TTLL2: variants seen among roughly 807,000 people sequenced by gnomAD.
TTLL2 encodes the protein probable tubulin polyglutamylase TTLL2.
Under a neutral mutation model 7.5 loss-of-function variants are expected in TTLL2, and 10 were observed. The ratio of observed to expected loss-of-function variants is 1.33; its 90% confidence interval spans 0.82 to 2.25. TTLL2 has a LOEUF of 2.25. Ranked by LOEUF, TTLL2 falls within the 30% of genes most tolerant of loss-of-function variation. The pLI, the probability that TTLL2 is intolerant of heterozygous loss-of-function variation, is 0.00. For synonymous variants in TTLL2, 284 were observed against 280.3 expected (o/e 1.01, Z -0.13); for missense variants, 733 against 735.7 (o/e 1.00, Z 0.04).
At position 167,340,570 on chromosome 6, in the gene TTLL2, AT is replaced by A. The variant is rs1322648947; in HGVS notation, c.674del (p.Phe225SerfsTer14). 1 of 1,614,020 alleles carries A rather than the reference AT, an allele frequency of 6.2e-7. No homozygotes were observed. Among genetic ancestry groups the A allele is most frequent in the African/African-American group, 1.3e-5 (1 of 74,884 alleles). ...GTTATCTCGTGGGAGGGGGATACTA[AT>A]TTTCAGTGACTTTAAAGACTTCATC... ...AELSRGRGIL[I>X]FSDFKDFIFD... On this transcript the variant is annotated frameshift_variant, in exon 3 of 3. Transcript: ENST00000239587. LOFTEE classifies it low-confidence loss of function (END_TRUNC).
At chr6:167,335,444 C>A (rs1278394443) in intron 1 of TTLL2, among the ~76,000 whole-genome samples, 1 of 147,262 alleles carries the variant, frequency 6.8e-6, no homozygotes, top group Non-Finnish European at 1.5e-5. Flanking sequence ...CTAGAAATAC[C>A]ATTTGACCCA....
chr6:167,326,758 G>C (rs1778852491), intron 1 of TTLL2, among the ~76,000 whole-genome samples: 1 of 152,178 alleles, frequency 6.6e-6, no homozygotes, highest in Non-Finnish European at 1.5e-5. Flanking sequence ...CTCATCAGCT[G>C]TCGTTAGTGT....
chr6:167,325,972 C>T (rs763291847), intron 1 of TTLL2, among the ~76,000 whole-genome samples: 19 of 152,148 alleles, frequency 1.2e-4, no homozygotes, highest in Non-Finnish European at 2.8e-4. Context: ...GGTGCAAGGC[C>T]GTGAGTGCCT....
chr6:167,328,585 C>T (rs546553272), intron 1 of TTLL2, among the ~76,000 whole-genome samples: 77 of 152,240 alleles, frequency 5.1e-4, no homozygotes, highest in African/African-American at 1.9e-3. Context: ...TATGTGTTTC[C>T]TTGTTCTAGG....
At chr6:167,334,442 T>TA (rs1198014924) in intron 1 of TTLL2, among the ~76,000 whole-genome samples, 1 of 151,808 alleles carries the variant, frequency 6.6e-6, no homozygotes, top group Non-Finnish European at 1.5e-5. Flanking sequence ...TGGAGAGTTC[T>TA]GTAGATGTCT....
intron 1 of TTLL2, among the ~76,000 whole-genome samples, chr6:167,332,256 AAC>A (rs1295756029): frequency 6.6e-6 from 1 of 152,076 alleles, no homozygotes; most frequent in Non-Finnish European, 1.5e-5. Flanking sequence ...GCCTTTTTTG[AAC>A]ACAGTTTCAG....
Position 167,340,470 on chromosome 6 carries a change from G to C in TTLL2, c.570G>C (p.Lys190Asn). The stretch of plus-strand genomic sequence containing the variant: ...TCGTCATGCCCAATGACTATACCAA[G>C]TTCGTGGCTGAATACTTTCAGGAGA... The part of the protein sequence containing the change: ...LTFVMPNDYT[K>N]FVAEYFQERQ... Residue 190 changes from lysine to asparagine, a missense_variant, in exon 3 of 3, where the codon AAG becomes AAC. Transcript: ENST00000239587. The C allele has an allele frequency of 1.9e-6, 3 of 1,614,140 alleles. No individual in the cohort carries two copies. Among genetic ancestry groups the C allele is most frequent in the South Asian group, 1.1e-5 (1 of 91,066 alleles).
rs185915280 is a variant in TTLL2 at position 167,325,714 on chromosome 6, A to G, written c.47+494A>G. 9.9e-5 allele frequency among the ~76,000 whole-genome samples: 15 copies of G among 152,230 alleles called. 1 individual carries two copies. The highest frequency in any genetic ancestry group is 2.0e-4 in the Admixed American group (3 of 15,292). On this transcript the variant is annotated intron_variant, in intron 1 of 2. Coordinates refer to ENST00000239587, the MANE Select transcript of TTLL2 (RefSeq NM_031949.5). ...TTCAGGGCCGAGCAGAATTGTTTCCATAGGATAAGTGTGAAGTGGTATGGA... is the reference window on the plus strand; with the variant it reads ...TTCAGGGCCGAGCAGAATTGTTTCCGTAGGATAAGTGTGAAGTGGTATGGA...
chr6:167,339,667 A>C (rs1180093487), intron 2 of TTLL2, among the ~76,000 whole-genome samples: 1 of 152,152 alleles, frequency 6.6e-6, no homozygotes. Flanking sequence ...TAATTTTATG[A>C]CATCATTGTT....
chr6:167,329,539 A>G (rs1304439752), intron 1 of TTLL2, among the ~76,000 whole-genome samples: 1 of 152,202 alleles, frequency 6.6e-6, no homozygotes, highest in East Asian at 1.9e-4. Context: ...ATGCTGTTAC[A>G]TAATTCATAA....
intron 1 of TTLL2, among the ~76,000 whole-genome samples, chr6:167,326,920 A>G (rs1224619834): frequency 1.3e-5 from 2 of 152,154 alleles, no homozygotes; most frequent in Admixed American, 6.5e-5. Context: ...AAGGTTAAGG[A>G]TGTACCCAGG....
At chr6:167,338,224 T>A (rs1295697607) in intron 1 of TTLL2, among the ~76,000 whole-genome samples, 1 of 147,544 alleles carries the variant, frequency 6.8e-6, no homozygotes, top group Non-Finnish European at 1.5e-5. Context: ...ACACACAACA[T>A]ACACACAACA....
At chr6:167,330,921 T>C (rs6908815) in intron 1 of TTLL2, among the ~76,000 whole-genome samples, 48,960 of 151,942 alleles carry the variant, frequency 0.32, 8,603 homozygotes, top group African/African-American at 0.47. Context: ...CACTGCAGCA[T>C]GAGCTCGATA....
intron 1 of TTLL2, among the ~76,000 whole-genome samples, chr6:167,334,104 A>T (rs1205049836): frequency 7.1e-6 from 1 of 141,510 alleles, no homozygotes; most frequent in African/African-American, 2.8e-5. Flanking sequence ...CCCTCTACAC[A>T]CTGCTTTGAA....
chr6:167,328,746 T>G (rs900827114), intron 1 of TTLL2, among the ~76,000 whole-genome samples: 3 of 152,178 alleles, frequency 2.0e-5, no homozygotes, highest in African/African-American at 4.8e-5. Context: ...CCACCTCCAT[T>G]GCCTGTTCTT....
Position 167,341,518 on chromosome 6 carries a change from T to G in TTLL2, c.1618T>G (p.Cys540Gly), listed in dbSNP as rs745313954. The G allele has an allele frequency of 1.2e-6, 2 of 1,614,148 alleles. No individual in the cohort carries two copies. The highest frequency in any genetic ancestry group is 4.5e-5 in the East Asian group (2 of 44,874). Residue 540 changes from cysteine to glycine, a missense_variant, in exon 3 of 3, where the codon TGT becomes GGT. Physicochemically the swap from Cys to Gly is radical, Grantham distance 159. Transcript: ENST00000239587. Reference protein sequence around the residue: ...SHSCKTKTSPCVLSDRGKAPD... With the variant: ...SHSCKTKTSPGVLSDRGKAPD... ...CTCCTGCAAGACCAAGACCTCCCCG[T>G]GTGTCCTGTCAGACCGTGGCAAAGC...
chr6:167,341,692 C>A lies in TTLL2; in HGVS notation c.*13C>A, dbSNP rs1458669432. ...GCAACATTCCTAAGTGGTAAAAAAT[C>A]AAATCAAGAAAAAGTGACATGGATT... On this transcript the variant is annotated 3_prime_UTR_variant, in exon 3 of 3. Transcript: ENST00000239587. The A allele has an allele frequency of 3.8e-6, 6 of 1,574,698 alleles. No homozygotes were observed. The highest frequency in any genetic ancestry group is 2.4e-5 in the South Asian group (2 of 83,840).
In TTLL2 at chr6:167,340,870, C is replaced by T; in HGVS notation, c.970C>T (p.Leu324Phe). ...EVIGHGCKWT[L>F]SRFFSYLRSW... Reference sequence around the variant, plus strand: ...GATTGGTCATGGTTGTAAATGGACGCTCAGCAGATTTTTTTCCTACCTTCG... The same window carrying T: ...GATTGGTCATGGTTGTAAATGGACGTTCAGCAGATTTTTTTCCTACCTTCG... Residue 324 changes from leucine to phenylalanine, a missense_variant, in exon 3 of 3, where the codon CTC becomes TTC. By Grantham distance (22) the Leu-to-Phe change is conservative. Coordinates refer to ENST00000239587, the MANE Select transcript of TTLL2 (RefSeq NM_031949.5). The T allele has an allele frequency of 1.2e-6, 2 of 1,614,134 alleles. No homozygotes were observed. The highest frequency in any genetic ancestry group is 1.7e-6 in the Non-Finnish European group (2 of 1,180,022).
intron 1 of TTLL2, among the ~76,000 whole-genome samples, chr6:167,327,343 T>C (rs2981975): frequency 0.17 from 25,402 of 152,130 alleles, 2,771 homozygotes; most frequent in Non-Finnish European, 0.25. Context: ...AGCAGAACTG[T>C]TCTTGGGTAA....
Sources: allele counts gnomAD v4.1 joint callset (sites outside exome capture counted in the v4.1 genomes callset), GRCh38; gene constraint gnomAD v4.1.1; transcripts MANE v1.5; gene names NCBI Gene and HGNC (gene_info 2026-07-23, HGNC 2026-07-21).